The following MACROD2 variants were observed in gnomAD, a reference collection of about 807,000 sequenced individuals.
MACROD2 encodes mono-ADP ribosylhydrolase 2.
Under a neutral mutation model 70.4 loss-of-function variants are expected in MACROD2, and 36 were observed. The ratio of observed to expected loss-of-function variants is 0.51; its 90% CI spans 0.39 to 0.68. MACROD2 has a LOEUF of 0.68. Ranked by LOEUF, MACROD2 falls within the 30% of genes least tolerant of loss-of-function variation. MACROD2 has a pLI of 0.00. For missense variants in MACROD2, 496 were observed against 538.4 expected, an observed-to-expected ratio of 0.92 and a Z score of 0.78; for synonymous variants, 172 against 178.8, an observed-to-expected ratio of 0.96 and a Z score of 0.30.
intron 10 of MACROD2, among the ~76,000 whole-genome samples, chr20:15,913,759 T>TA (rs1000675485): frequency 6.6e-6 from 1 of 152,128 alleles, no homozygotes; most frequent in Admixed American, 6.5e-5. Flanking sequence ...CAGTGTGTTA[T>TA]AAAAAAATAT....
At chr20:14,274,378 G>A (rs991906631) in intron 3 of MACROD2, among the ~76,000 whole-genome samples, 1 of 152,108 alleles carries the variant, frequency 6.6e-6, no homozygotes, top group African/African-American at 2.4e-5. Flanking sequence ...CATATAAACA[G>A]AACGAAAGAC....
chr20:14,962,482 G>T (rs115324199), intron 5 of MACROD2, among the ~76,000 whole-genome samples: 1 of 149,410 alleles, frequency 6.7e-6, no homozygotes. Flanking sequence ...ATATAGTTAT[G>T]TTTGTTTTGT....
At chr20:15,486,605 G>A (rs936922856) in intron 7 of MACROD2, among the ~76,000 whole-genome samples, 4 of 152,168 alleles carry the variant, frequency 2.6e-5, no homozygotes, top group African/African-American at 9.7e-5. Flanking sequence ...TGACTCTAAA[G>A]CCAGGGTTTC....
intron 8 of MACROD2, among the ~76,000 whole-genome samples, chr20:15,725,089 A>G (rs972925162): frequency 1.3e-5 from 2 of 152,168 alleles, no homozygotes; most frequent in African/African-American, 4.8e-5. Flanking sequence ...CTCAAAAAAC[A>G]AACAAACAAC....
intron 5 of MACROD2, among the ~76,000 whole-genome samples, chr20:14,798,468 G>C (rs1045829494): frequency 5.9e-5 from 9 of 152,010 alleles, no homozygotes; most frequent in Admixed American, 5.2e-4. Flanking sequence ...TTCATCATGT[G>C]TGTAACATGG....
intron 5 of MACROD2, among the ~76,000 whole-genome samples, chr20:14,713,365 G>A (rs539749430): frequency 7.9e-5 from 12 of 152,270 alleles, no homozygotes; most frequent in Admixed American, 2.6e-4. Context: ...CTGTTTGAAC[G>A]TAAGTGGTTG....
chr20:14,766,889 C>T (rs1198420449), intron 5 of MACROD2, among the ~76,000 whole-genome samples: 1 of 152,116 alleles, frequency 6.6e-6, no homozygotes, highest in East Asian at 1.9e-4. Context: ...TTGGCTTAAA[C>T]AATTCTGATT....
At chr20:15,500,845 TTTC>T (rs1409343313) in intron 8 of MACROD2, among the ~76,000 whole-genome samples, 1 of 152,216 alleles carries the variant, frequency 6.6e-6, no homozygotes, top group African/African-American at 2.4e-5. Context: ...TACCCTTTAT[TTTC>T]TTCTTACTTT....
chr20:15,112,052 A>T (rs1414875331), intron 5 of MACROD2, among the ~76,000 whole-genome samples: 1 of 152,184 alleles, frequency 6.6e-6, no homozygotes, highest in East Asian at 1.9e-4. Flanking sequence ...AACCTGATAA[A>T]TACCACCCCT....
intron 5 of MACROD2, among the ~76,000 whole-genome samples, chr20:15,226,619 G>A (rs1036324784): frequency 2.0e-5 from 3 of 151,994 alleles, no homozygotes; most frequent in South Asian, 2.1e-4. Flanking sequence ...TGAAACTATT[G>A]TGAAAAATTA....
chr20:14,852,382 A>G (rs1310598653), intron 5 of MACROD2, among the ~76,000 whole-genome samples: 1 of 152,156 alleles, frequency 6.6e-6, no homozygotes, highest in Middle Eastern at 3.2e-3. Flanking sequence ...TAGAGTGATG[A>G]TAAGCCATAG....
At chr20:14,016,908 T>C (rs2148621186) in intron 2 of MACROD2, among the ~76,000 whole-genome samples, 1 of 152,250 alleles carries the variant, frequency 6.6e-6, no homozygotes, top group African/African-American at 2.4e-5. Context: ...GGATGCCGAT[T>C]ATATTGAATC....
chr20:14,003,246 A>T (rs1200892980), intron 2 of MACROD2, among the ~76,000 whole-genome samples: 1 of 152,220 alleles, frequency 6.6e-6, no homozygotes, highest in African/African-American at 2.4e-5. Flanking sequence ...ATTCCTATGG[A>T]TAAAATCTGA....
At chr20:15,005,972 A>G (rs192125894) in intron 5 of MACROD2, among the ~76,000 whole-genome samples, 2 of 152,304 alleles carry the variant, frequency 1.3e-5, no homozygotes, top group African/African-American at 2.4e-5. Context: ...CTTTTGTAAT[A>G]TATAAGGACT....
chr20:14,044,260 C>T (rs948189130), intron 2 of MACROD2, among the ~76,000 whole-genome samples: 1 of 151,170 alleles, frequency 6.6e-6, no homozygotes, highest in African/African-American at 2.4e-5. Flanking sequence ...GTTTGTTCCT[C>T]CTGGTGGGTT....
intron 2 of MACROD2, among the ~76,000 whole-genome samples, chr20:14,046,937 A>G (rs550483305): frequency 2.0e-5 from 3 of 152,224 alleles, no homozygotes; most frequent in Admixed American, 1.3e-4. Flanking sequence ...AAATGGGTAA[A>G]TAAACTGTGG....
intron 5 of MACROD2, among the ~76,000 whole-genome samples, chr20:15,111,851 C>A (rs1317850791): frequency 4.6e-5 from 7 of 152,226 alleles, no homozygotes; most frequent in Admixed American, 6.5e-5. Flanking sequence ...CCAGCTCTGG[C>A]AAGTCTTTGA....
intron 5 of MACROD2, among the ~76,000 whole-genome samples, chr20:14,950,203 A>G (rs1359288929): frequency 1.3e-5 from 2 of 152,124 alleles, no homozygotes; most frequent in Non-Finnish European, 2.9e-5. Context: ...GATGTGTGCC[A>G]TACTGGCTGA....
chr20:15,691,203 C>T (rs1259807183), intron 8 of MACROD2, among the ~76,000 whole-genome samples: 1 of 152,162 alleles, frequency 6.6e-6, no homozygotes, highest in Non-Finnish European at 1.5e-5. Context: ...TGAGTCATTT[C>T]CCTGCTCTTC....
Sources: allele counts gnomAD v4.1 joint callset (sites outside exome capture counted in the v4.1 genomes callset), GRCh38; gene constraint gnomAD v4.1.1; transcripts MANE v1.5; gene names NCBI Gene and HGNC (gene_info 2026-07-23, HGNC 2026-07-21).